The following ADAMTS20 variants were observed in gnomAD, a reference collection of about 807,000 sequenced individuals.
ADAMTS20 encodes ADAM metallopeptidase with thrombospondin type 1 motif 20, also known as A disintegrin and metalloproteinase with thrombospondin motifs 20.
ADAMTS20 carries 225 observed loss-of-function variants against 260.1 expected under a neutral mutation model. That is an observed-to-expected ratio of 0.87 (90% CI 0.78 to 0.97). The LOEUF is 0.97. Among genes scored for constraint, ADAMTS20 ranks in the 50% least tolerant of loss-of-function variants. ADAMTS20 has a pLI of 0.00. For synonymous variants in ADAMTS20, 802 were observed against 769.5 expected, an observed-to-expected ratio of 1.04 and a Z score of -0.70; for missense variants, 2,400 against 2,337.7, an observed-to-expected ratio of 1.03 and a Z score of -0.55.
At chr12:43,424,055 T>C (rs1242945009) in intron 28 of ADAMTS20, 2 of 594,750 alleles carry the variant, frequency 3.4e-6, no homozygotes, top group South Asian at 2.1e-5. Flanking sequence ...TTATATCTTA[T>C]TATAAAGATG....
Position 43,484,915 on chromosome 12 carries a change from T to C in ADAMTS20, c.1117+5480A>G, listed in dbSNP as rs377048815. 4.0e-5 allele frequency among the ~76,000 whole-genome samples: 6 copies of C among 151,882 alleles called. No homozygotes were observed. The South Asian group carries it at 6.2e-4, about 16-fold the overall frequency. ...CTTACAGTCATCAGGCTATCTAAAG[T>C]CAACATGTAGGAAAGAACCTCAGGG... On this transcript the variant is annotated intron_variant, in intron 7 of 38. Transcript: ENST00000389420.
chr12:43,452,404 G>A lies in ADAMTS20; in HGVS notation c.1949C>T (p.Thr650Ile), dbSNP rs772493781. 1.2e-6 allele frequency: 2 copies of A among 1,608,602 alleles called. No individual in the cohort carries two copies. Among genetic ancestry groups the A allele is most frequent in the Non-Finnish European group, 1.7e-6 (2 of 1,178,508 alleles). ...ACAATAGAGTTTACAACGATCCTTT[G>A]TGCCAACTGTAAAAAAGAAAAAGGT... is the stretch of plus-strand genomic sequence containing the variant. ...RWLPRYSGIG[T>I]KDRCKLYCQV... is the part of the protein sequence containing the mutation. The change falls in exon 14 of 39, where the codon ACA (threonine) becomes ATA (isoleucine). Residue 650 changes from threonine (T) to isoleucine (I), a missense_variant. Physicochemically the swap from Thr to Ile is moderately conservative, Grantham distance 89. Coordinates refer to ENST00000389420, the MANE Select transcript of ADAMTS20 (RefSeq NM_025003.5).
chr12:43,507,181 G>A (rs1182393715), intron 3 of ADAMTS20, among the ~76,000 whole-genome samples: 2 of 152,100 alleles, frequency 1.3e-5, no homozygotes, highest in African/African-American at 2.4e-5. Context: ...CATTTTGCAT[G>A]TATACATATA....
chr12:43,494,406 C>T (rs751023227), intron 4 of ADAMTS20, among the ~76,000 whole-genome samples: 22 of 152,336 alleles, frequency 1.4e-4, no homozygotes, highest in Admixed American at 3.3e-4. Context: ...CTACCAATGT[C>T]TCTTGTGCCA....
chr12:43,430,573 T>A (rs908301345), intron 22 of ADAMTS20, 102 bp from the exon 23 acceptor site: 12 of 1,096,134 alleles, frequency 1.1e-5, no homozygotes, highest in Non-Finnish European at 1.4e-5. Context: ...CTTTTAATAA[T>A]CTTTTTATCA....
intron 3 of ADAMTS20, among the ~76,000 whole-genome samples, chr12:43,513,519 A>G (rs925111668): frequency 2.6e-5 from 4 of 152,190 alleles, no homozygotes; most frequent in Non-Finnish European, 4.4e-5. Context: ...AAAGGGATCT[A>G]GAACTAGAAA....
chr12:43,383,602 T>A lies in ADAMTS20; in HGVS notation c.4753A>T (p.Asn1585Tyr). Reference protein sequence around the residue: ...TISLTSKNCRNPPCNYIVVTA... With the variant: ...TISLTSKNCRYPPCNYIVVTA... ...ACCACAATGTAATTGCAAGGAGGGTTCCTGCAATTCTTGGATGTAAGAGAT... is the reference window on the plus strand; with the variant it reads ...ACCACAATGTAATTGCAAGGAGGGTACCTGCAATTCTTGGATGTAAGAGAT... The change falls in exon 31 of 39, where the codon AAC becomes TAC. Residue 1585 changes from asparagine (N) to tyrosine (Y), a missense_variant. Coordinates refer to ENST00000389420, the MANE Select transcript of ADAMTS20 (RefSeq NM_025003.5). 1 of 1,613,706 alleles carries A rather than the reference T, an allele frequency of 6.2e-7. No homozygotes were observed. Among genetic ancestry groups the A allele is most frequent in the Admixed American group, 1.7e-5 (1 of 59,978 alleles).
chr12:43,431,186 A>G, intron 22 of ADAMTS20, 146 bp downstream of exon 22: 1 of 697,908 alleles, frequency 1.4e-6, no homozygotes, highest in Non-Finnish European at 2.3e-6. Context: ...TTACACATAA[A>G]GATTCACATT....
intron 28 of ADAMTS20, chr12:43,423,151 C>T (rs1941265982): frequency 6.6e-6 from 1 of 152,008 alleles, no homozygotes; most frequent in African/African-American, 2.4e-5. Context: ...GCAAACTTTT[C>T]CCAGAAAAAG....
intron 2 of ADAMTS20, among the ~76,000 whole-genome samples, chr12:43,546,651 T>C (rs1053093480): frequency 2.6e-5 from 4 of 152,034 alleles, no homozygotes; most frequent in Non-Finnish European, 4.4e-5. Flanking sequence ...AAAAAAGAAG[T>C]TTAGAGTTGG....
intron 31 of ADAMTS20, among the ~76,000 whole-genome samples, chr12:43,382,198 G>T (rs1291084682): frequency 6.6e-6 from 1 of 152,118 alleles, no homozygotes; most frequent in Non-Finnish European, 1.5e-5. Flanking sequence ...GTTCCTAACA[G>T]CATTATTGAA....
Position 43,551,567 on chromosome 12 carries a change from C to A in ADAMTS20, c.91+264G>T, listed in dbSNP as rs1469290501. On this transcript the variant is annotated intron_variant, in intron 1 of 38. Transcript: ENST00000389420. This position sits in a 1 kb window ranked among gnomAD's most constrained non-coding sequence, Gnocchi z 4.6. ...CTCCTAACCTCCCCGCAGCCCCCAA[C>A]TCGTTCCCTCCGGGTGCAAGCGACC... is the stretch of plus-strand genomic sequence containing the variant. Among the ~76,000 whole-genome samples, 5 of 152,186 alleles carry A rather than the reference C, an allele frequency of 3.3e-5. No individual in the cohort carries two copies. The highest frequency in any genetic ancestry group is 7.3e-5 in the Non-Finnish European group (5 of 68,034).
chr12:43,462,073 T>C (rs75622079), intron 11 of ADAMTS20, among the ~76,000 whole-genome samples: 1,931 of 152,316 alleles, frequency 0.013, 36 homozygotes, highest in African/African-American at 0.039. Flanking sequence ...CAATAGCTAT[T>C]ATAAATATTT....
intron 7 of ADAMTS20, among the ~76,000 whole-genome samples, chr12:43,489,211 A>G (rs1157733210): frequency 2.0e-5 from 3 of 152,070 alleles, no homozygotes; most frequent in Non-Finnish European, 2.9e-5. Flanking sequence ...ACCTTGAGTT[A>G]CACAATGGTT....
intron 2 of ADAMTS20, among the ~76,000 whole-genome samples, chr12:43,549,237 G>T (rs1032567108): frequency 1.3e-5 from 2 of 151,232 alleles, no homozygotes; most frequent in Non-Finnish European, 3.0e-5. Flanking sequence ...ATCTTCACAC[G>T]TAACATTATA....
intron 3 of ADAMTS20, among the ~76,000 whole-genome samples, chr12:43,504,952 A>AG (rs1942820785): frequency 6.6e-6 from 1 of 152,220 alleles, no homozygotes; most frequent in Non-Finnish European, 1.5e-5. Flanking sequence ...ATGACATTGC[A>AG]GTTCCACCCC....
At chr12:43,532,327 A>C in intron 2 of ADAMTS20, 132 bp from the exon 3 acceptor site, 1 of 758,698 alleles carries the variant, frequency 1.3e-6, no homozygotes, top group East Asian at 2.7e-5. Context: ...CCATCAACTG[A>C]GCATAAAAAG....
At chr12:43,381,029 T>C (rs1193396774) in intron 31 of ADAMTS20, among the ~76,000 whole-genome samples, 1 of 152,166 alleles carries the variant, frequency 6.6e-6, no homozygotes, top group Non-Finnish European at 1.5e-5. Context: ...TAATAATATA[T>C]TGATAGGCAT....
intron 36 of ADAMTS20, among the ~76,000 whole-genome samples, chr12:43,371,611 G>A (rs1372502649): frequency 6.6e-6 from 1 of 152,162 alleles, no homozygotes; most frequent in Non-Finnish European, 1.5e-5. Flanking sequence ...AAATGAAGGG[G>A]TAAACCACAC....
Sources: gnomAD v4.1 joint callset for allele counts (sites outside exome capture counted in the v4.1 genomes callset) on GRCh38, gnomAD v4.1.1 for gene constraint, Gnocchi (gnomAD v3.1) non-coding constraint, MANE v1.5 for transcripts, NCBI Gene and HGNC (gene_info 2026-07-23, HGNC 2026-07-21) for gene names.